TOPAZ1: variants seen among roughly 807,000 people sequenced by gnomAD.
TOPAZ1 encodes the protein testis and ovary specific TOPAZ 1.
In TOPAZ1, 66 loss-of-function variants were observed where a neutral mutation model predicts 172.2. That is an observed-to-expected ratio of 0.38 (90% confidence interval 0.31 to 0.47). The LOEUF is 0.47. Among genes scored for constraint, TOPAZ1 ranks in the 20% least tolerant of loss-of-function variants. The pLI, the probability that TOPAZ1 is intolerant of heterozygous loss-of-function variation, is 0.99. For missense variants in TOPAZ1, 1,822 were observed against 1,972.4 expected (o/e 0.92, Z 1.44); for synonymous variants, 681 against 683.9 (o/e 1.00, Z 0.07).
Position 44,252,296 on chromosome 3 carries a change from T to A in TOPAZ1, c.2766-2672T>A, listed in dbSNP as rs537040199. Reference sequence around the variant, plus strand: ...AATATCTCTCATGGCTGTTCCTTCCTCTAAATTCTATGTTCTTATTTTTCT... The same window carrying A: ...AATATCTCTCATGGCTGTTCCTTCCACTAAATTCTATGTTCTTATTTTTCT... On this transcript the variant is annotated intron_variant, in intron 2 of 19. Coordinates refer to ENST00000309765, the MANE Select transcript of TOPAZ1 (RefSeq NM_001145030.2). Among the ~76,000 whole-genome samples the A allele has an allele frequency of 2.0e-5, 3 of 152,336 alleles. No homozygotes were observed. The East Asian group carries it at 5.8e-4, about 29-fold the overall frequency.
chr3:44,276,815 G>A (rs775570723), intron 8 of TOPAZ1, among the ~76,000 whole-genome samples: 22 of 150,968 alleles, frequency 1.5e-4, no homozygotes, highest in Non-Finnish European at 2.2e-4. Flanking sequence ...TTTTTTAGAC[G>A]GAGTCTGGCT....
chr3:44,282,057 T>C (rs1459156489), intron 9 of TOPAZ1, 26 bp downstream of exon 9: 1 of 1,396,778 alleles, frequency 7.2e-7, no homozygotes, highest in Non-Finnish European at 9.8e-7. Flanking sequence ...ATAATTAGTA[T>C]GAAGCTATTA....
chr3:44,299,486 A>C (rs1043142463), intron 12 of TOPAZ1, among the ~76,000 whole-genome samples: 2 of 151,848 alleles, frequency 1.3e-5, no homozygotes, highest in Non-Finnish European at 2.9e-5. Flanking sequence ...AAATAGGAAC[A>C]CTTTTACACT....
chr3:44,331,424 C>T (rs1287536684), intron 19 of TOPAZ1, among the ~76,000 whole-genome samples: 1 of 152,106 alleles, frequency 6.6e-6, no homozygotes, highest in Non-Finnish European at 1.5e-5. Context: ...TTCCTGGGCT[C>T]AAGGCCTCCT....
chr3:44,301,220 G>A (rs1231956432), intron 12 of TOPAZ1, among the ~76,000 whole-genome samples: 1 of 152,094 alleles, frequency 6.6e-6, no homozygotes, highest in Non-Finnish European at 1.5e-5. Context: ...ACAAATACAT[G>A]TAAAAATTGA....
chr3:44,244,747 A>T lies in TOPAZ1; in HGVS notation c.2241A>T (p.Ile747=), dbSNP rs1266996246. 6.4e-7 allele frequency: 1 copy of T among 1,551,588 alleles called. No individual in the cohort carries two copies. Residue 747 remains isoleucine, a synonymous_variant, in exon 2 of 20, where the codon ATA becomes ATT. Transcript: ENST00000309765. ...MMMLGPQTLS[I]RNSVTPVQAS... Reference sequence around the variant, plus strand: ...TGTTAGGACCTCAAACTTTGAGCATACGAAATAGTGTAACTCCAGTGCAAG... The same window carrying T: ...TGTTAGGACCTCAAACTTTGAGCATTCGAAATAGTGTAACTCCAGTGCAAG...
chr3:44,323,179 C>G lies in TOPAZ1; in HGVS notation c.4559C>G (p.Ser1520Cys). The change falls in exon 18 of 20, where the codon TCT becomes TGT. Residue 1520 changes from serine to cysteine, a missense_variant. Ser to Cys is a moderately radical substitution (Grantham distance 112). This residue lies in a region of TOPAZ1 where 333 missense variants were observed against 481.7 expected (regional missense o/e 0.69). Transcript: ENST00000309765. The part of the protein sequence containing the change: ...IESSSLGMSS[S>C]VAEFMISKSI... Reference sequence around the variant, plus strand: ...AGCAGTAGTCTTGGTATGTCATCCTCTGTGGCAGAATTCATGATTTCAAAG... The same window carrying G: ...AGCAGTAGTCTTGGTATGTCATCCTGTGTGGCAGAATTCATGATTTCAAAG... 1 of 1,550,384 alleles carries G rather than the reference C, an allele frequency of 6.5e-7. No individual in the cohort carries two copies. Among genetic ancestry groups the G allele is most frequent in the Non-Finnish European group, 8.7e-7 (1 of 1,146,052 alleles).
Position 44,244,959 on chromosome 3 carries a change from GTCCT to G in TOPAZ1, c.2460_2463del (p.Phe821AlafsTer20). ...TGTGATCCTGGGTATGTAGAGAAAA[GTCCT>G]TCCTTCTGCTGTAATGAACAAGAAA... On this transcript the variant is annotated frameshift_variant, in exon 2 of 20. Coordinates refer to ENST00000309765, the MANE Select transcript of TOPAZ1 (RefSeq NM_001145030.2). LOFTEE classifies it high-confidence loss of function. The G allele has an allele frequency of 6.4e-7, 1 of 1,551,700 alleles. No homozygotes were observed.
chr3:44,292,262 A>G (rs1229994891), intron 12 of TOPAZ1, among the ~76,000 whole-genome samples: 1 of 152,238 alleles, frequency 6.6e-6, no homozygotes, highest in Non-Finnish European at 1.5e-5. Context: ...TGTTTAGGCT[A>G]AATAGATTTT....
chr3:44,316,730 A>AT (rs1004434590), intron 16 of TOPAZ1, among the ~76,000 whole-genome samples: 4 of 151,996 alleles, frequency 2.6e-5, no homozygotes, highest in Admixed American at 6.6e-5. Context: ...ATGTTCTTCA[A>AT]TTTTTTCATT....
chr3:44,245,198 G>A lies in TOPAZ1; in HGVS notation c.2692G>A (p.Ala898Thr). 2 of 1,551,668 alleles carry A rather than the reference G, an allele frequency of 1.3e-6. No individual in the cohort carries two copies. Among genetic ancestry groups the A allele is most frequent in the African/African-American group, 2.7e-5 (2 of 73,124 alleles). ...AAAGATAAGCCAGGAGCCCAATGTT[G>A]CTGGAGAGCACCAATCAACAGACTC... Reference protein sequence around the residue: ...VPKISQEPNVAGEHQSTDSKY... With the variant: ...VPKISQEPNVTGEHQSTDSKY... Residue 898 changes from alanine (A) to threonine (T), a missense_variant, in exon 2 of 20, where the codon GCT becomes ACT. Ala to Thr is a moderately conservative substitution (Grantham distance 58, BLOSUM62 0). This residue lies in a region of TOPAZ1 where 1,489 missense variants were observed against 1,490.8 expected (regional missense o/e 1.00). Transcript: ENST00000309765.
chr3:44,255,466 C>T (rs1347426788), intron 3 of TOPAZ1, among the ~76,000 whole-genome samples: 1 of 151,862 alleles, frequency 6.6e-6, no homozygotes, highest in Non-Finnish European at 1.5e-5. Flanking sequence ...TCCTGGCCAA[C>T]ATGGTGAAAC....
At chr3:44,284,627 A>G (rs1700058466) in intron 9 of TOPAZ1, among the ~76,000 whole-genome samples, 1 of 152,176 alleles carries the variant, frequency 6.6e-6, no homozygotes, top group Non-Finnish European at 1.5e-5. Flanking sequence ...TCTTTCGGGT[A>G]TATACCTAAG....
chr3:44,330,742 G>A (rs989407404), intron 19 of TOPAZ1, among the ~76,000 whole-genome samples: 2 of 152,176 alleles, frequency 1.3e-5, no homozygotes, highest in East Asian at 1.9e-4. Flanking sequence ...CAAAGAAAAA[G>A]GTGATACTTA....
At chr3:44,299,271 AC>A (rs1394686950) in intron 12 of TOPAZ1, among the ~76,000 whole-genome samples, 4 of 152,066 alleles carry the variant, frequency 2.6e-5, no homozygotes, top group African/African-American at 9.7e-5. Flanking sequence ...AACAAATGAT[AC>A]TGTTAGAAAA....
chr3:44,327,716 G>A (rs1400455688), intron 18 of TOPAZ1, among the ~76,000 whole-genome samples: 1 of 151,704 alleles, frequency 6.6e-6, no homozygotes, highest in African/African-American at 2.4e-5. Flanking sequence ...ATTTTTCAGA[G>A]TGTTTTTTTT....
chr3:44,333,576 G>A (rs1370084802), downstream of TOPAZ1, among the ~76,000 whole-genome samples: 1 of 152,164 alleles, frequency 6.6e-6, no homozygotes, highest in Non-Finnish European at 1.5e-5. Context: ...AGGAGGGAAA[G>A]GATGATAAAT....
chr3:44,246,495 C>T (rs1251270997), intron 2 of TOPAZ1, among the ~76,000 whole-genome samples: 1 of 152,148 alleles, frequency 6.6e-6, no homozygotes, highest in East Asian at 1.9e-4. Flanking sequence ...GAACTTGAAA[C>T]TTATCACCAA....
chr3:44,290,348 T>A (rs1700123109), intron 11 of TOPAZ1, among the ~76,000 whole-genome samples: 1 of 152,198 alleles, frequency 6.6e-6, no homozygotes, highest in Non-Finnish European at 1.5e-5. Context: ...ATGTTACATG[T>A]GGGCAGTTGG....
Sources: gnomAD v4.1 joint callset for allele counts (sites outside exome capture counted in the v4.1 genomes callset) on GRCh38, gnomAD v4.1.1 for gene constraint, gnomAD v4.1.1 regional missense constraint, MANE v1.5 for transcripts, NCBI Gene and HGNC (gene_info 2026-07-23, HGNC 2026-07-21) for gene names.